The following GNS variants were observed in gnomAD, a reference collection of about 807,000 sequenced individuals.
The protein encoded by GNS is N-acetylglucosamine-6-sulfatase.
GNS carries 40 observed loss-of-function variants against 69.7 expected under a neutral mutation model. The observed-to-expected ratio is 0.57, with a 90% CI of 0.45 to 0.75. The LOEUF is 0.75. Ranked by LOEUF, GNS falls within the 30% of genes least tolerant of loss-of-function variation. The probability of loss-of-function intolerance (pLI) is 0.00; values close to 1 mark genes in which losing one functional copy is unlikely to be tolerated. For missense variants in GNS, 565 were observed against 685.5 expected, an observed-to-expected ratio of 0.82 and a Z score of 1.96; for synonymous variants, 243 against 251.6, an observed-to-expected ratio of 0.97 and a Z score of 0.32.
chr12:64,726,086 C>T (rs1869190764), intron 10 of GNS, among the ~76,000 whole-genome samples: 1 of 150,720 alleles, frequency 6.6e-6, no homozygotes, highest in African/African-American at 2.4e-5. Flanking sequence ...GTAAAATTTC[C>T]TCTAACTGAT....
chr12:64,725,995 C>CAAAAAAAAAAAAA (rs34734900), intron 10 of GNS, among the ~76,000 whole-genome samples: 2 of 49,218 alleles, frequency 4.1e-5, no homozygotes, highest in Non-Finnish European at 7.0e-5. Context: ...GACTCTGTCT[C>CAAAAAAAAAAAAA]AAAAAAAAAA....
intron 6 of GNS, among the ~76,000 whole-genome samples, chr12:64,742,263 G>A (rs538058209): frequency 1.4e-4 from 22 of 152,098 alleles, no homozygotes; most frequent in South Asian, 4.2e-4. Flanking sequence ...CTCGTGATTC[G>A]CCCGCCTTGG....
chr12:64,740,576 C>T (rs1216184782), intron 7 of GNS, 30 bp downstream of exon 7: 1 of 1,170,216 alleles, frequency 8.5e-7, no homozygotes. Context: ...TTTAAAACCA[C>T]TCAGATTGTT....
chr12:64,741,707 A>C (rs973673939), intron 6 of GNS, among the ~76,000 whole-genome samples: 5 of 152,146 alleles, frequency 3.3e-5, no homozygotes, highest in African/African-American at 4.8e-5. Context: ...CATTTAAACA[A>C]AGACATCCCT....
intron 4 of GNS, among the ~76,000 whole-genome samples, chr12:64,745,217 T>G (rs1465724051): frequency 1.4e-5 from 2 of 142,598 alleles, no homozygotes; most frequent in African/African-American, 5.2e-5. Flanking sequence ...TTTTTTTTTT[T>G]TTTTTTTTTT....
intron 11 of GNS, among the ~76,000 whole-genome samples, chr12:64,722,384 TGA>T (rs1448296024): frequency 1.3e-5 from 2 of 152,180 alleles, no homozygotes; most frequent in Non-Finnish European, 2.9e-5. Flanking sequence ...AAGGCTAAAA[TGA>T]GTTTTGTGGA....
chr12:64,734,176 T>C (rs1484085252), intron 9 of GNS, among the ~76,000 whole-genome samples: 1 of 152,232 alleles, frequency 6.6e-6, no homozygotes, highest in Non-Finnish European at 1.5e-5. Flanking sequence ...AATGCAGCAA[T>C]GTAAATTCTG....
At chr12:64,734,869 G>A (rs1014211808) in intron 9 of GNS, among the ~76,000 whole-genome samples, 6 of 152,190 alleles carry the variant, frequency 3.9e-5, no homozygotes, top group Admixed American at 1.3e-4. Context: ...TTGGGAGGCC[G>A]AGGCAGGCAG....
At chr12:64,739,136 G>A (rs890065370) in intron 8 of GNS, among the ~76,000 whole-genome samples, 1 of 152,072 alleles carries the variant, frequency 6.6e-6, no homozygotes, top group African/African-American at 2.4e-5. Context: ...AACCCATCAA[G>A]CTCATGCTCT....
intron 3 of GNS, 93 bp from the exon 4 acceptor site, chr12:64,745,817 G>C (rs749541404): frequency 1.2e-6 from 1 of 803,490 alleles, no homozygotes; most frequent in Non-Finnish European, 2.2e-6. Context: ...TTAGACCAGT[G>C]CCTGAAACAT....
At chr12:64,740,526 T>C (rs1311422603) in intron 7 of GNS, 80 bp downstream of exon 7, 2 of 811,494 alleles carry the variant, frequency 2.5e-6, no homozygotes, top group African/African-American at 3.3e-5. Flanking sequence ...GAGACAACAA[T>C]GTGGTGTGGT....
At position 64,718,082 on chromosome 12, in the gene GNS, T is replaced by A. The variant is rs374439880; in HGVS notation, c.1581-1263A>T. ...AGGTAAACGAATGTGTGAGGCTGTG[T>A]TCCCGCAGGTGGGGCTAGATTGGGC... is the stretch of plus-strand genomic sequence containing the variant. On this transcript the variant is annotated intron_variant, in intron 13 of 13. Coordinates refer to ENST00000258145, the MANE Select transcript of GNS (RefSeq NM_002076.4). 3.3e-5 allele frequency among the ~76,000 whole-genome samples: 5 copies of A among 152,346 alleles called. No individual in the cohort carries two copies. The East Asian group carries it at 9.6e-4, about 29-fold the overall frequency.
chr12:64,754,987 C>T (rs1870203370), intron 1 of GNS, among the ~76,000 whole-genome samples: 1 of 152,050 alleles, frequency 6.6e-6, no homozygotes, highest in Non-Finnish European at 1.5e-5. Flanking sequence ...GAAAAAGTCC[C>T]AAACAAGAAA....
intron 2 of GNS, among the ~76,000 whole-genome samples, chr12:64,750,201 C>T (rs1343208707): frequency 3.3e-5 from 5 of 152,006 alleles, no homozygotes; most frequent in African/African-American, 1.2e-4. Context: ...CGCTCGCCAC[C>T]ACGCCCGGCT....
At chr12:64,728,325 C>T (rs2136240245) in intron 10 of GNS, among the ~76,000 whole-genome samples, 1 of 152,326 alleles carries the variant, frequency 6.6e-6, no homozygotes, top group East Asian at 1.9e-4. Flanking sequence ...GACCAAATGC[C>T]ACTTTTCACT....
At chr12:64,728,918 G>A (rs756270842) in intron 10 of GNS, 38 bp downstream of exon 10, 16 of 894,994 alleles carry the variant, frequency 1.8e-5, no homozygotes, top group Admixed American at 8.5e-5. Context: ...AATTTATTGC[G>A]GTCTTGGCTC....
intron 10 of GNS, among the ~76,000 whole-genome samples, chr12:64,724,093 T>G (rs1487721508): frequency 1.3e-5 from 2 of 152,310 alleles, no homozygotes; most frequent in East Asian, 1.9e-4. Flanking sequence ...AAAGTCTGGT[T>G]GGGAGCTTGG....
At position 64,729,932 on chromosome 12, in the gene GNS, G is replaced by A. The variant is rs531495616; in HGVS notation, c.1099-875C>T. On this transcript the variant is annotated intron_variant, in intron 9 of 13. Transcript: ENST00000258145. ...AAAAATCAATGAGATTTAACTTTTT[G>A]TGAACCAAGCCTTTGAAATCTGGTA... Among the ~76,000 whole-genome samples, 9 of 152,232 alleles carry A rather than the reference G, an allele frequency of 5.9e-5. No homozygotes were observed. In the South Asian group the frequency reaches 1.9e-3, roughly 32 times the overall value.
intron 13 of GNS, among the ~76,000 whole-genome samples, chr12:64,719,189 C>T (rs577149584): frequency 4.6e-5 from 7 of 152,282 alleles, no homozygotes; most frequent in Admixed American, 6.5e-5. Context: ...CATTCACATT[C>T]ATTTGTCTCT....
Sources: gnomAD v4.1 joint callset for allele counts (sites outside exome capture counted in the v4.1 genomes callset) on GRCh38, gnomAD v4.1.1 for gene constraint, MANE v1.5 for transcripts, NCBI Gene and HGNC (gene_info 2026-07-23, HGNC 2026-07-21) for gene names.